GRAMD2B: variants seen among roughly 807,000 people sequenced by gnomAD.
GRAMD2B encodes GRAM domain containing 2B, also known as GRAM domain-containing protein 2B.
A neutral mutation model predicts 59.2 loss-of-function variants in GRAMD2B; 41 were observed. The observed-to-expected ratio is 0.69, with a 90% confidence interval of 0.54 to 0.90. The LOEUF (loss-of-function observed/expected upper bound fraction) is 0.90, where lower values mean the gene tolerates loss of function less well. Ranked by LOEUF, GRAMD2B falls within the 40% of genes least tolerant of loss-of-function variation. The pLI is 0.00. For synonymous variants in GRAMD2B, 161 were observed against 182.7 expected (o/e 0.88, Z 0.96); for missense variants, 424 against 500.5 (o/e 0.85, Z 1.46).
At chr5:126,442,115 T>A (rs1763390397) in intron 1 of GRAMD2B, among the ~76,000 whole-genome samples, 1 of 150,904 alleles carries the variant, frequency 6.6e-6, no homozygotes, top group Non-Finnish European at 1.5e-5. Flanking sequence ...AGGCTAACTA[T>A]CCCACTGAAT....
At chr5:126,430,920 T>C (rs1761460878) in intron 1 of GRAMD2B, among the ~76,000 whole-genome samples, 1 of 152,228 alleles carries the variant, frequency 6.6e-6, no homozygotes, top group African/African-American at 2.4e-5. Context: ...ATTTTGCAAC[T>C]AATATTTATT....
chr5:126,389,760 C>G (rs1756544411), intron 1 of GRAMD2B, among the ~76,000 whole-genome samples: 1 of 152,042 alleles, frequency 6.6e-6, no homozygotes, highest in African/African-American at 2.4e-5. Flanking sequence ...CCAGCCTGGC[C>G]AACATAGTAA....
At chr5:126,451,771 C>T (rs191238829) in intron 1 of GRAMD2B, among the ~76,000 whole-genome samples, 4 of 152,262 alleles carry the variant, frequency 2.6e-5, no homozygotes, top group East Asian at 3.9e-4. Flanking sequence ...GTGTCAGAGG[C>T]GGGACCTGGT....
intron 2 of GRAMD2B, chr5:126,466,237 T>C: frequency 6.5e-7 from 1 of 1,547,730 alleles, no homozygotes; most frequent in Non-Finnish European, 8.7e-7. Flanking sequence ...TCTACTTCTT[T>C]TGGTCTTTGC....
intron 1 of GRAMD2B, among the ~76,000 whole-genome samples, chr5:126,447,873 TTTA>T (rs1561536793): frequency 1.4e-5 from 2 of 137,986 alleles, no homozygotes; most frequent in African/African-American, 5.9e-5. Flanking sequence ...TTTTTTTTTT[TTTA>T]AAAAATAGTC....
At chr5:126,372,546 ATAAAT>A (rs1754854115) in intron 1 of GRAMD2B, among the ~76,000 whole-genome samples, 2 of 152,296 alleles carry the variant, frequency 1.3e-5, no homozygotes, top group East Asian at 1.9e-4. Context: ...GGTTATGAAA[ATAAAT>A]TAAACACTTT....
chr5:126,393,030 C>G (rs982047204), intron 1 of GRAMD2B, among the ~76,000 whole-genome samples: 1 of 152,102 alleles, frequency 6.6e-6, no homozygotes, highest in Non-Finnish European at 1.5e-5. Context: ...ATAATTACAC[C>G]GCAGGACTCA....
At chr5:126,415,567 A>C (rs778426581) in intron 1 of GRAMD2B, among the ~76,000 whole-genome samples, 8 of 152,118 alleles carry the variant, frequency 5.3e-5, no homozygotes, top group Non-Finnish European at 1.2e-4. Flanking sequence ...TTTGCCTCAA[A>C]TGAAGGTTCT....
chr5:126,401,747 A>C (rs973682761), intron 1 of GRAMD2B, among the ~76,000 whole-genome samples: 2 of 152,080 alleles, frequency 1.3e-5, no homozygotes, highest in African/African-American at 4.8e-5. Flanking sequence ...AGCACTTAGA[A>C]AAGTTTACTA....
At chr5:126,475,246 A>C (rs1770355505) in intron 5 of GRAMD2B, among the ~76,000 whole-genome samples, 1 of 152,202 alleles carries the variant, frequency 6.6e-6, no homozygotes, top group African/African-American at 2.4e-5. Context: ...TCAAACTGAA[A>C]AGTGATTTAA....
rs1335477089 is a variant in GRAMD2B at position 126,493,150 on chromosome 5, A to G, written c.*194A>G. ...TTTGGTTCTTGTGCAATAAAAGTTG[A>G]CCTTGACTCTCTGAGGAAGATTTTG... On this transcript the variant is annotated 3_prime_UTR_variant, in exon 14 of 14. Transcript: ENST00000285689. 2 of 571,184 alleles carry G rather than the reference A, an allele frequency of 3.5e-6. No homozygotes were observed. Among genetic ancestry groups the G allele is most frequent in the Non-Finnish European group, 6.4e-6 (2 of 314,500 alleles). The allele number at this position is 571,184 out of a possible 1,614,324, so 35.4% of individuals were successfully genotyped here. A position where few individuals can be genotyped will look rare whatever the true frequency, so the allele number is the denominator to read the frequency against.
At chr5:126,449,568 C>A (rs1764954501) in intron 1 of GRAMD2B, among the ~76,000 whole-genome samples, 1 of 152,254 alleles carries the variant, frequency 6.6e-6, no homozygotes, top group South Asian at 2.1e-4. Context: ...TTACGTATGT[C>A]TAATATGAGG....
intron 1 of GRAMD2B, among the ~76,000 whole-genome samples, chr5:126,439,007 C>A (rs1762853253): frequency 6.6e-6 from 1 of 152,250 alleles, no homozygotes; most frequent in East Asian, 1.9e-4. Flanking sequence ...CAAAACATTC[C>A]TGTACACAAC....
intron 1 of GRAMD2B, among the ~76,000 whole-genome samples, chr5:126,438,110 T>G (rs981032219): frequency 6.6e-6 from 1 of 152,324 alleles, no homozygotes; most frequent in Admixed American, 6.5e-5. Flanking sequence ...TCTTGATGTT[T>G]CCATGTTCTC....
chr5:126,405,746 AC>A (rs1758210405), intron 1 of GRAMD2B, among the ~76,000 whole-genome samples: 1 of 151,766 alleles, frequency 6.6e-6, no homozygotes, highest in South Asian at 2.1e-4. Flanking sequence ...TTATATTAAA[AC>A]ACCGTTTGCT....
chr5:126,415,375 A>G (rs1447407588), intron 1 of GRAMD2B, among the ~76,000 whole-genome samples: 1 of 152,170 alleles, frequency 6.6e-6, no homozygotes, highest in Non-Finnish European at 1.5e-5. Flanking sequence ...GTTTATTGAT[A>G]TGTTTCTTCT....
chr5:126,442,437 G>A (rs577113204), intron 1 of GRAMD2B, among the ~76,000 whole-genome samples: 90 of 151,542 alleles, frequency 5.9e-4, no homozygotes, highest in African/African-American at 2.1e-3. Flanking sequence ...GATTACAGGC[G>A]CCCACCACCA....
In GRAMD2B at chr5:126,493,087, G is replaced by A; in HGVS notation, c.*131G>A. ...AGATGAGAATCCAGACATTGCATGT[G>A]GAGGTCTCCAGCTCAGGAAAGTGAG... On this transcript the variant is annotated 3_prime_UTR_variant, in exon 14 of 14. Transcript: ENST00000285689. The A allele has an allele frequency of 1.5e-6, 1 of 669,320 alleles. No homozygotes were observed. The highest frequency in any genetic ancestry group is 2.6e-5 in the Admixed American group (1 of 38,054). 41.5% of individuals were successfully genotyped at this position (669,320 alleles called of 1,614,324 possible).
At chr5:126,384,399 G>A (rs1173095683) in intron 1 of GRAMD2B, among the ~76,000 whole-genome samples, 1 of 152,190 alleles carries the variant, frequency 6.6e-6, no homozygotes, top group Admixed American at 6.5e-5. Flanking sequence ...CATTTCCAAT[G>A]CTTAGTGCAA....
Sources: allele counts gnomAD v4.1 joint callset (sites outside exome capture counted in the v4.1 genomes callset), GRCh38; gene constraint gnomAD v4.1.1; transcripts MANE v1.5; gene names NCBI Gene and HGNC (gene_info 2026-07-23, HGNC 2026-07-21).